The following ITGA4 variants were observed in gnomAD, a reference collection of about 807,000 sequenced individuals.
The protein encoded by ITGA4 is integrin subunit alpha 4.
A neutral mutation model predicts 133.6 loss-of-function variants in ITGA4; 63 were observed. That is an observed-to-expected ratio of 0.47 (90% CI 0.38 to 0.58). ITGA4 has a LOEUF of 0.58. Ranked by LOEUF, ITGA4 falls within the 20% of genes least tolerant of loss-of-function variation. The pLI, the probability that ITGA4 is intolerant of heterozygous loss-of-function variation, is 0.00. For synonymous variants in ITGA4, 483 were observed against 438.0 expected, an observed-to-expected ratio of 1.10 and a Z score of -1.28; for missense variants, 1,076 against 1,252.7, an observed-to-expected ratio of 0.86 and a Z score of 2.13.
At position 181,475,262 on chromosome 2, in the gene ITGA4, G is replaced by C. The variant is rs1414238513; in HGVS notation, c.530G>C (p.Ser177Thr). 6.2e-7 allele frequency: 1 copy of C among 1,613,212 alleles called. No homozygotes were observed. Among genetic ancestry groups the C allele is most frequent in the Middle Eastern group, 1.7e-4 (1 of 6,060 alleles). The change falls in exon 4 of 28, where the codon AGT (serine) becomes ACT (threonine). Residue 177 changes from serine to threonine, a missense_variant. Around this residue, in one of 4 missense-constraint regions of ITGA4, gnomAD observed 436 missense variants for 590.7 expected, o/e 0.74. Coordinates refer to ENST00000397033, the MANE Select transcript of ITGA4 (RefSeq NM_000885.6). ...GVPPDLRTEL[S>T]KRIAPCYQDY... ...CCCCCTGATTTACGAACAGAACTGA[G>C]TAAAAGAATAGCTCCGTGTTATCAA...
chr2:181,480,153 G>A lies in ITGA4; in HGVS notation c.641G>A (p.Gly214Glu). The part of the protein sequence containing the change: ...SFYTKDLIVM[G>E]APGSSYWTGS... ...TTCTTACAGGATTTAATTGTGATGG[G>A]GGCCCCAGGATCATCTTACTGGACT... Residue 214 changes from glycine to glutamate, a missense_variant, in exon 6 of 28, where the codon GGG becomes GAG. Around this residue, in one of 4 missense-constraint regions of ITGA4, gnomAD observed 436 missense variants for 590.7 expected, o/e 0.74. Transcript: ENST00000397033. 6.5e-7 allele frequency: 1 copy of A among 1,550,152 alleles called. No homozygotes were observed. Among genetic ancestry groups the A allele is most frequent in the Non-Finnish European group, 8.7e-7 (1 of 1,154,160 alleles).
intron 23 of ITGA4, 123 bp from the exon 24 acceptor site, chr2:181,530,401 A>G (rs1237768567): frequency 3.4e-6 from 3 of 880,122 alleles, no homozygotes; most frequent in Non-Finnish European, 5.0e-6. Context: ...AATTTCTACA[A>G]TTTCAGAGGT....
At chr2:181,459,160 A>G (rs1685206864) in intron 2 of ITGA4, 2 of 152,228 alleles carry the variant, frequency 1.3e-5, no homozygotes, top group African/African-American at 4.8e-5. Context: ...TAGTTTATGT[A>G]TGAGGACTGT....
In ITGA4 at chr2:181,475,163, G is replaced by A; in HGVS notation, c.431G>A (p.Cys144Tyr). The A allele has an allele frequency of 6.2e-7, 1 of 1,613,662 alleles. No individual in the cohort carries two copies. The highest frequency in any genetic ancestry group is 2.2e-5 in the East Asian group (1 of 44,874). ...GTCTACTTTTATTTTATTCAGACTTGTGGGCATAGATGGAAAAATATATTT... is the reference window on the plus strand; with the variant it reads ...GTCTACTTTTATTTTATTCAGACTTATGGGCATAGATGGAAAAATATATTT... ...QPGENGSIVT[C>Y]GHRWKNIFYI... Residue 144 changes from cysteine to tyrosine, a missense_variant, in exon 4 of 28, where the codon TGT (cysteine) becomes TAT (tyrosine). Physicochemically the swap from Cys to Tyr is radical, Grantham distance 194. Transcript: ENST00000397033.
At chr2:181,478,094 C>A (rs1043022055) in intron 4 of ITGA4, among the ~76,000 whole-genome samples, 7 of 151,966 alleles carry the variant, frequency 4.6e-5, no homozygotes, top group Admixed American at 6.6e-5. Flanking sequence ...CCCCGAAGGA[C>A]ATTATTTTAA....
intron 2 of ITGA4, among the ~76,000 whole-genome samples, chr2:181,464,733 C>T (rs3770136): frequency 0.15 from 22,785 of 151,984 alleles, 2,013 homozygotes; most frequent in Middle Eastern, 0.23. Context: ...TGTCTAGGTC[C>T]GCCTTGGGTT....
intron 22 of ITGA4, among the ~76,000 whole-genome samples, chr2:181,528,478 C>A (rs116361054): frequency 0.016 from 2,366 of 152,266 alleles, 70 homozygotes; most frequent in African/African-American, 0.055. Flanking sequence ...GAGAAACTTG[C>A]AGTATATAGG....
rs754927917 is a variant in ITGA4 at position 181,534,448 on chromosome 2, G to C, written c.2883+78G>C. ...AGGGTGTCTATAATTACTTCCTTCTGAGTAACTGAGTTGGGAAAGTAGAGT... is the reference window on the plus strand; with the variant it reads ...AGGGTGTCTATAATTACTTCCTTCTCAGTAACTGAGTTGGGAAAGTAGAGT... On this transcript the variant is annotated intron_variant, in intron 26 of 27. Transcript: ENST00000397033. 17 of 871,762 alleles carry C rather than the reference G, an allele frequency of 2.0e-5. No individual in the cohort carries two copies. In the Admixed American group the frequency reaches 3.3e-4, roughly 17 times the overall value. The allele number at this position is 871,762 out of a possible 1,614,324, so 54.0% of individuals were successfully genotyped here.
chr2:181,507,342 A>C (rs2105754064), intron 15 of ITGA4, among the ~76,000 whole-genome samples: 1 of 152,168 alleles, frequency 6.6e-6, no homozygotes, highest in Non-Finnish European at 1.5e-5. Flanking sequence ...GTCTTACTTT[A>C]GGTTTCTCAA....
Position 181,523,333 on chromosome 2 carries a change from A to C in ITGA4, c.2074-104A>C. On this transcript the variant is annotated intron_variant, in intron 18 of 27. Transcript: ENST00000397033. The surrounding 1 kb of genome is among the most constrained non-coding windows in gnomAD (Gnocchi z 4.2). Reference sequence around the variant, plus strand: ...AGAAAATAGTTTTCCTAGAAAAGCAAATACTTCTGGGATGATATTCTTTTC... The same window carrying C: ...AGAAAATAGTTTTCCTAGAAAAGCACATACTTCTGGGATGATATTCTTTTC... 1.5e-6 allele frequency: 1 copy of C among 667,148 alleles called. No homozygotes were observed. Among genetic ancestry groups the C allele is most frequent in the Admixed American group, 2.6e-5 (1 of 38,816 alleles). 41.3% of individuals were successfully genotyped at this position (667,148 alleles called of 1,614,324 possible). A position where few individuals can be genotyped will look rare whatever the true frequency, so the allele number is the denominator to read the frequency against.
At chr2:181,526,821 C>CTTTTTTTTTTTTTTTTTTTTTTTTTGTTT (rs1686839344) in intron 21 of ITGA4, among the ~76,000 whole-genome samples, 1 of 40,994 alleles carries the variant, frequency 2.4e-5, no homozygotes, top group Admixed American at 4.0e-4. Flanking sequence ...AGCACATGGC[C>CTTTTTTTTTTTTTTTTTTTTTTTTTGTTT]TTTTTTTTTT....
At chr2:181,488,998 T>G (rs1001344452) in intron 10 of ITGA4, among the ~76,000 whole-genome samples, 6 of 152,226 alleles carry the variant, frequency 3.9e-5, no homozygotes, top group Non-Finnish European at 7.3e-5. Context: ...CATTCCACCA[T>G]GTCTGCCTGC....
intron 5 of ITGA4, 108 bp downstream of exon 5, chr2:181,478,932 C>T (rs909383938): frequency 3.9e-6 from 2 of 507,684 alleles, no homozygotes; most frequent in East Asian, 3.3e-5. Context: ...GTAACATCTT[C>T]ATCATGTCTC....
At chr2:181,463,330 G>A (rs945412206) in intron 2 of ITGA4, among the ~76,000 whole-genome samples, 12 of 152,144 alleles carry the variant, frequency 7.9e-5, no homozygotes, top group African/African-American at 2.9e-4. Flanking sequence ...GACATGATCA[G>A]ATTTGTGTGT....
chr2:181,461,152 G>A (rs1685265933), intron 2 of ITGA4, among the ~76,000 whole-genome samples: 1 of 148,834 alleles, frequency 6.7e-6, no homozygotes, highest in South Asian at 2.2e-4. Flanking sequence ...TGGACAAGGT[G>A]TCCCATATGG....
chr2:181,469,080 A>C (rs1278864185), intron 2 of ITGA4, among the ~76,000 whole-genome samples: 1 of 152,192 alleles, frequency 6.6e-6, no homozygotes, highest in African/African-American at 2.4e-5. Context: ...ATAAAATATA[A>C]TCTGAGGTTG....
At position 181,536,852 on chromosome 2, in the gene ITGA4, G is replaced by A. The variant is rs1040782394; in HGVS notation, c.*1325G>A. Reference sequence around the variant, plus strand: ...TATCTGACTCTGCCTTCATAAGAGAGCTGTGGCCGAATTTTGAACATCTGT... The same window carrying A: ...TATCTGACTCTGCCTTCATAAGAGAACTGTGGCCGAATTTTGAACATCTGT... On this transcript the variant is annotated 3_prime_UTR_variant, in exon 28 of 28. Coordinates refer to ENST00000397033, the MANE Select transcript of ITGA4 (RefSeq NM_000885.6). 4.7e-6 allele frequency: 2 copies of A among 426,452 alleles called. No individual in the cohort carries two copies. Among genetic ancestry groups the A allele is most frequent in the Non-Finnish European group, 9.4e-6 (2 of 213,394 alleles). 26.4% of individuals were successfully genotyped at this position (426,452 alleles called of 1,614,324 possible).
intron 1 of ITGA4, 89 bp from the exon 2 acceptor site, chr2:181,458,107 C>T: frequency 6.4e-7 from 1 of 1,566,274 alleles, no homozygotes; most frequent in Non-Finnish European, 8.7e-7. Flanking sequence ...GGGAAGCTGC[C>T]CTGCTGCGGA....
chr2:181,486,734 C>T (rs2105737373), intron 10 of ITGA4, among the ~76,000 whole-genome samples: 1 of 152,256 alleles, frequency 6.6e-6, no homozygotes, highest in Non-Finnish European at 1.5e-5. Flanking sequence ...GTAACTGAGT[C>T]TGTTAAAACT....
Sources: allele counts gnomAD v4.1 joint callset (sites outside exome capture counted in the v4.1 genomes callset), GRCh38; gene constraint gnomAD v4.1.1; regional missense constraint gnomAD v4.1.1; non-coding constraint Gnocchi (gnomAD v3.1); transcripts MANE v1.5; gene names NCBI Gene and HGNC (gene_info 2026-07-23, HGNC 2026-07-21).